The following WNT9B variants were observed in gnomAD, a reference collection of about 807,000 sequenced individuals.
WNT9B encodes protein Wnt-9b.
In WNT9B, 12 loss-of-function variants were observed where a neutral mutation model predicts 30.2. The ratio of observed to expected loss-of-function variants is 0.40; its 90% CI spans 0.26 to 0.64. The LOEUF (loss-of-function observed/expected upper bound fraction) is 0.64. Among genes scored for constraint, WNT9B ranks in the 30% least tolerant of loss-of-function variants. The pLI, the probability that WNT9B is intolerant of heterozygous loss-of-function variation, is 0.42. For missense variants in WNT9B, 442 were observed against 485.2 expected (o/e 0.91, Z 0.84); for synonymous variants, 218 against 216.9 (o/e 1.01, Z -0.05).
At chr17:46,840,016 TTTCTTTCTTTCTTTCTTTTC>T (rs1238839043) in intron 1 of WNT9B, among the ~76,000 whole-genome samples, 23 of 100,128 alleles carry the variant, frequency 2.3e-4, no homozygotes, top group South Asian at 1.1e-3. Context: ...TCTTTCTTTC[TTTCTTTCTTTCTTTCTTTTC>T]TTTCTTTCTT....
chr17:46,846,758 C>T (rs2084780123), upstream of WNT9B, among the ~76,000 whole-genome samples: 1 of 152,190 alleles, frequency 6.6e-6, no homozygotes, highest in African/African-American at 2.4e-5. Context: ...GTCCTCACAA[C>T]ACAATTCAAA....
intron 1 of WNT9B, among the ~76,000 whole-genome samples, chr17:46,858,085 A>G (rs12600784): frequency 0.19 from 28,587 of 152,066 alleles, 3,306 homozygotes; most frequent in East Asian, 0.37. Flanking sequence ...ATGCGCCACC[A>G]TGCTCGGCTA....
chr17:46,865,694 C>T (rs1319731293), intron 1 of WNT9B, among the ~76,000 whole-genome samples: 1 of 152,148 alleles, frequency 6.6e-6, no homozygotes, highest in Non-Finnish European at 1.5e-5. Context: ...TGGCCCACTG[C>T]AGCCTTGACC....
At position 46,878,541 on chromosome 17, in the gene WNT9B, G is replaced by A. The variant is rs2085380599; in HGVS notation, c.*1823G>A. On this transcript the variant is annotated 3_prime_UTR_variant, in exon 4 of 4. Coordinates refer to ENST00000290015, the MANE Select transcript of WNT9B (RefSeq NM_003396.3). ...ACCCAAGCACCTGGCCCACACCTTG[G>A]CAGCAGGAGAAAAATGGGGAGAGGG... Among the ~76,000 whole-genome samples the A allele has an allele frequency of 1.3e-5, 2 of 152,192 alleles. No individual in the cohort carries two copies. Among genetic ancestry groups the A allele is most frequent in the Non-Finnish European group, 2.9e-5 (2 of 68,028 alleles).
intron 1 of WNT9B, among the ~76,000 whole-genome samples, chr17:46,839,912 TTTTCTTTCTTTCTTTC>T (rs10635916): frequency 0.045 from 5,098 of 113,344 alleles, 140 homozygotes; most frequent in African/African-American, 0.05. Context: ...ACATTTTCTC[TTTTCTTTCTTTCTTTC>T]TTTCTTTCTT....
chr17:46,867,314 C>T (rs1239842132), intron 1 of WNT9B, among the ~76,000 whole-genome samples: 3 of 152,224 alleles, frequency 2.0e-5, no homozygotes, highest in South Asian at 2.1e-4. Flanking sequence ...AGGTAAAGCA[C>T]CTTGCCTAAG....
At chr17:46,874,967 T>C (rs774749428) in intron 2 of WNT9B, 134 bp from the exon 3 acceptor site, 4 of 1,393,424 alleles carry the variant, frequency 2.9e-6, no homozygotes, top group Non-Finnish European at 4.1e-6. Context: ...TCAAGCCACA[T>C]TCTCTTGTCC....
upstream of WNT9B, among the ~76,000 whole-genome samples, chr17:46,849,200 T>C (rs1485435041): frequency 6.6e-6 from 1 of 152,236 alleles, no homozygotes; most frequent in Non-Finnish European, 1.5e-5. Context: ...AATATTTTCC[T>C]CGTGTTTCTC....
intron 1 of WNT9B, among the ~76,000 whole-genome samples, chr17:46,844,716 A>G (rs2083796): frequency 0.4 from 60,414 of 152,090 alleles, 13,831 homozygotes; most frequent in East Asian, 0.88. Flanking sequence ...GCCTCTGTGC[A>G]GACCCAAATC....
chr17:46,843,349 C>T (rs1598829495), intron 1 of WNT9B, among the ~76,000 whole-genome samples: 1 of 152,242 alleles, frequency 6.6e-6, no homozygotes, highest in South Asian at 2.1e-4. Context: ...TAATGACAAC[C>T]AGTGGGAAAA....
At chr17:46,846,980 G>C (rs563048058), upstream of WNT9B, among the ~76,000 whole-genome samples, 33 of 152,260 alleles carry the variant, frequency 2.2e-4, 1 homozygote, top group South Asian at 6.8e-3. Context: ...TACCTTTCCT[G>C]CAAATGCTTA....
rs16941168 is a variant in WNT9B, at chr17:46,877,443, A to G, written c.*725A>G. On this transcript the variant is annotated 3_prime_UTR_variant, in exon 4 of 4. Coordinates refer to ENST00000290015, the MANE Select transcript of WNT9B (RefSeq NM_003396.3). ...CTCGAGAGCTGGGTTATGCACACTC[A>G]CCCAGCCGTGCTCAAAACTACCACC... 0.12 allele frequency among the ~76,000 whole-genome samples: 17,526 copies of G among 152,066 alleles called. 1,055 individuals are homozygous for G. The highest frequency in any genetic ancestry group is 0.13 in the Non-Finnish European group (8,880 of 67,956).
chr17:46,857,048 C>T (rs1418197912), intron 1 of WNT9B, among the ~76,000 whole-genome samples: 1 of 152,138 alleles, frequency 6.6e-6, no homozygotes, highest in Non-Finnish European at 1.5e-5. Flanking sequence ...TTATTTTGCT[C>T]AGCATAAAGC....
upstream of WNT9B, among the ~76,000 whole-genome samples, chr17:46,846,973 C>A (rs2084783152): frequency 6.6e-6 from 1 of 152,204 alleles, no homozygotes; most frequent in Non-Finnish European, 1.5e-5. Flanking sequence ...TCCCAAATAC[C>A]TTTCCTGCAA....
chr17:46,851,702 GCCT>G lies in WNT9B; in HGVS notation c.68_70del (p.Ser23del). ...CCTGCTGGCGCTGCCCGCCGCCGCC[GCCT>G]CCTACTTCGGGTCAGTGCCCGCCGC... is the stretch of plus-strand genomic sequence containing the variant. On this transcript the variant is annotated inframe_deletion, in exon 1 of 4. Coordinates refer to ENST00000290015, the MANE Select transcript of WNT9B (RefSeq NM_003396.3). This position sits in a 1 kb window ranked among gnomAD's most constrained non-coding sequence, Gnocchi z 4.3. 2 of 1,301,190 alleles carry G rather than the reference GCCT, an allele frequency of 1.5e-6. No homozygotes were observed. Among genetic ancestry groups the G allele is most frequent in the Non-Finnish European group, 1.9e-6 (2 of 1,028,870 alleles). 80.6% of individuals were successfully genotyped at this position (1,301,190 alleles called of 1,614,324 possible). A position where few individuals can be genotyped will look rare whatever the true frequency, so the allele number is the denominator to read the frequency against.
In WNT9B at chr17:46,876,306, T is replaced by G; in HGVS notation, c.662T>G (p.Val221Gly). ...CATGGCGTATCAGGCTCCTGTGCCGTGCGCACCTGCTGGAAGCAGCTCTCC... is the reference window on the plus strand; with the variant it reads ...CATGGCGTATCAGGCTCCTGTGCCGGGCGCACCTGCTGGAAGCAGCTCTCC... The part of the protein sequence containing the change: ...KCHGVSGSCA[V>G]RTCWKQLSPF... Residue 221 changes from valine (V) to glycine (G), a missense_variant, in exon 4 of 4, where the codon GTG becomes GGG. Physicochemically the swap from Val to Gly is moderately radical, Grantham distance 109. Coordinates refer to ENST00000290015, the MANE Select transcript of WNT9B (RefSeq NM_003396.3). 6.2e-7 allele frequency: 1 copy of G among 1,614,194 alleles called. No homozygotes were observed. The highest frequency in any genetic ancestry group is 1.6e-4 in the Middle Eastern group (1 of 6,062).
chr17:46,855,307 G>T (rs551222676), intron 1 of WNT9B, among the ~76,000 whole-genome samples: 1 of 152,190 alleles, frequency 6.6e-6, no homozygotes, highest in Non-Finnish European at 1.5e-5. Context: ...GGATAAGGCC[G>T]CACATTCTTT....
downstream of WNT9B, among the ~76,000 whole-genome samples, chr17:46,883,079 T>C (rs1430741346): frequency 6.7e-6 from 1 of 149,772 alleles, no homozygotes; most frequent in Non-Finnish European, 1.5e-5. Flanking sequence ...CCCAGGTTCA[T>C]GCCATTCTCC....
chr17:46,837,328 T>A lies in WNT9B; in HGVS notation c.95+3888T>A, dbSNP rs188207400. Among the ~76,000 whole-genome samples the A allele has an allele frequency of 3.9e-5, 6 of 152,308 alleles. No homozygotes were observed. The East Asian group carries it at 1.2e-3, about 29-fold the overall frequency. The stretch of plus-strand genomic sequence containing the variant: ...CAAACTCCACCTGCAGTGACAAGGC[T>A]GGCCTGATAACCTACTCATGGAGCC... On this transcript the variant is annotated intron_variant, in intron 1 of 2. Transcript: ENST00000575372.
Sources: gnomAD v4.1 joint callset for allele counts (sites outside exome capture counted in the v4.1 genomes callset) on GRCh38, gnomAD v4.1.1 for gene constraint, Gnocchi (gnomAD v3.1) non-coding constraint, MANE v1.5 for transcripts, NCBI Gene and HGNC (gene_info 2026-07-23, HGNC 2026-07-21) for gene names.